Variants in IGSF10 observed in about 807,000 individuals in gnomAD.
The protein encoded by IGSF10 is calvaria mechanical force protein 608.
A neutral mutation model predicts 128.2 loss-of-function variants in IGSF10; 126 were observed. That is an observed-to-expected ratio of 0.98 (90% CI 0.85 to 1.14). The LOEUF (loss-of-function observed/expected upper bound fraction) is 1.14. Ranked by LOEUF, IGSF10 falls within the 50% of genes most tolerant of loss-of-function variation. The probability of loss-of-function intolerance (pLI) is 0.00; values close to 1 mark genes in which losing one functional copy is unlikely to be tolerated. For missense variants in IGSF10, 3,295 were observed against 3,149.8 expected (o/e 1.05, Z -1.10); for synonymous variants, 1,185 against 1,146.2 (o/e 1.03, Z -0.68).
chr3:151,444,873 C>T, intron 6 of IGSF10, 46 bp downstream of exon 6: 1 of 1,498,214 alleles, frequency 6.7e-7, no homozygotes, highest in Non-Finnish European at 9.0e-7. Context: ...CAATCTTCTT[C>T]TTGTTTTCTA....
chr3:151,461,988 A>G (rs553335795), upstream of IGSF10, among the ~76,000 whole-genome samples: 4 of 152,236 alleles, frequency 2.6e-5, no homozygotes, highest in East Asian at 5.8e-4. Context: ...TCATTATCAC[A>G]GAACCGGATT....
At position 151,443,253 on chromosome 3, in the gene IGSF10, T is replaced by G; in HGVS notation, c.5694A>C (p.Ser1898=). ...QFTNSKLFLF[S]NGTLYIRNLA... ...GGTTTCTTATATACAAAGTCCCATT[T>G]GAAAATAAGAACAACTTGGAATTGG... is the stretch of plus-strand genomic sequence containing the variant. Residue 1898 remains serine (S), a synonymous_variant, in exon 7 of 8, where the codon TCA becomes TCC. Transcript: ENST00000282466. The G allele has an allele frequency of 1.2e-6, 2 of 1,611,660 alleles. No homozygotes were observed. Among genetic ancestry groups the G allele is most frequent in the Non-Finnish European group, 1.7e-6 (2 of 1,178,604 alleles).
the IGSF10 span, among the ~76,000 whole-genome samples, chr3:151,568,917 G>C: frequency 6.6e-6 from 1 of 152,146 alleles, no homozygotes; most frequent in East Asian, 1.9e-4. Flanking sequence ...ATAGATTACA[G>C]CAAAGTGCAG....
the IGSF10 span, among the ~76,000 whole-genome samples, chr3:151,615,840 G>C: frequency 1.3e-5 from 2 of 151,832 alleles, no homozygotes; most frequent in Non-Finnish European, 2.9e-5. Context: ...AAAATATTCA[G>C]TTAAGCATTT....
At chr3:151,601,400 A>G in the IGSF10 span, among the ~76,000 whole-genome samples, 2 of 152,236 alleles carry the variant, frequency 1.3e-5, no homozygotes, top group Admixed American at 6.5e-5. Context: ...TTGAAACAAA[A>G]ATGGAATTTG....
chr3:151,433,671 A>G (rs1448268713), downstream of IGSF10: 6 of 152,162 alleles, frequency 3.9e-5, no homozygotes, highest in Admixed American at 2.0e-4. Context: ...CCTTAAGGGG[A>G]AAAAAAAATC....
At chr3:151,614,562 A>G in the IGSF10 span, among the ~76,000 whole-genome samples, 2 of 152,166 alleles carry the variant, frequency 1.3e-5, no homozygotes, top group Admixed American at 1.3e-4. Flanking sequence ...TCAGCAAACT[A>G]TCGCAAGGAC....
the IGSF10 span, among the ~76,000 whole-genome samples, chr3:151,589,278 T>A: frequency 2.0e-5 from 3 of 152,322 alleles, no homozygotes; most frequent in East Asian, 1.9e-4. Flanking sequence ...TAGAACCAAA[T>A]GGAAACTGTT....
the IGSF10 span, among the ~76,000 whole-genome samples, chr3:151,479,984 A>G: frequency 6.6e-6 from 1 of 151,236 alleles, no homozygotes; most frequent in Non-Finnish European, 1.5e-5. Context: ...CTTTTATCAC[A>G]CTTTTTTTTT....
At chr3:151,583,511 G>A in the IGSF10 span, among the ~76,000 whole-genome samples, 2 of 152,170 alleles carry the variant, frequency 1.3e-5, no homozygotes, top group South Asian at 2.1e-4. Context: ...TCACTCATAG[G>A]TGGGAATTGA....
the IGSF10 span, among the ~76,000 whole-genome samples, chr3:151,560,577 G>A: frequency 1.1e-4 from 17 of 152,134 alleles, no homozygotes; most frequent in South Asian, 3.5e-3. Flanking sequence ...AACGTCTTAG[G>A]CAAGATGAAT....
chr3:151,579,735 CTGAG>C, the IGSF10 span, among the ~76,000 whole-genome samples: 9 of 151,744 alleles, frequency 5.9e-5, no homozygotes, highest in Admixed American at 5.9e-4. Flanking sequence ...AAGATAATGG[CTGAG>C]TGTTTCCCCC....
chr3:151,535,367 C>A, the IGSF10 span, among the ~76,000 whole-genome samples: 1 of 152,076 alleles, frequency 6.6e-6, no homozygotes, highest in Non-Finnish European at 1.5e-5. Flanking sequence ...AACAGAAAAC[C>A]AAATAATATA....
the IGSF10 span, among the ~76,000 whole-genome samples, chr3:151,532,867 AAG>A: frequency 5.3e-4 from 81 of 152,196 alleles, no homozygotes; most frequent in African/African-American, 1.8e-3. Flanking sequence ...CAATTAGGAA[AAG>A]AGGAAGTCAA....
At chr3:151,567,876 A>C in the IGSF10 span, among the ~76,000 whole-genome samples, 3 of 152,074 alleles carry the variant, frequency 2.0e-5, no homozygotes, top group African/African-American at 7.2e-5. Flanking sequence ...GGCTTCCACA[A>C]GCGACTTCCC....
chr3:151,456,553 G>T (rs1050153667), intron 4 of IGSF10, among the ~76,000 whole-genome samples: 24 of 151,908 alleles, frequency 1.6e-4, no homozygotes, highest in African/African-American at 5.8e-4. Context: ...ACTTACTTTT[G>T]TGATCATTCT....
the IGSF10 span, among the ~76,000 whole-genome samples, chr3:151,518,258 G>A: frequency 4.0e-5 from 6 of 151,898 alleles, no homozygotes; most frequent in African/African-American, 1.4e-4. Context: ...AAAATGTCAA[G>A]CTATAACCAA....
the IGSF10 span, among the ~76,000 whole-genome samples, chr3:151,558,592 C>G: frequency 3.3e-5 from 5 of 151,998 alleles, no homozygotes. Flanking sequence ...CAGCTCACTG[C>G]AACCTCAGCC....
chr3:151,525,188 G>A, the IGSF10 span, among the ~76,000 whole-genome samples: 3 of 151,458 alleles, frequency 2.0e-5, no homozygotes, highest in Non-Finnish European at 4.4e-5. Context: ...ACCCTGCCTG[G>A]CTCATTATAA....
Sources: gnomAD v4.1 joint callset for allele counts (sites outside exome capture counted in the v4.1 genomes callset) on GRCh38, gnomAD v4.1.1 for gene constraint, MANE v1.5 for transcripts, NCBI Gene and HGNC (gene_info 2026-07-23, HGNC 2026-07-21) for gene names.